Variants in SLC39A11 observed in about 807,000 individuals in gnomAD.
SLC39A11 encodes solute carrier family 39 member 11.
A neutral mutation model predicts 36.1 loss-of-function variants in SLC39A11; 33 were observed. The observed-to-expected ratio is 0.91, with a 90% CI of 0.69 to 1.22. SLC39A11 has a LOEUF of 1.22. SLC39A11 is among the 50% of genes most tolerant of loss of function. The pLI is 0.00. For synonymous variants in SLC39A11, 166 were observed against 170.3 expected, an observed-to-expected ratio of 0.97 and a Z score of 0.20; for missense variants, 432 against 430.3, an observed-to-expected ratio of 1.00 and a Z score of -0.03.
At chr17:72,848,183 A>C (rs2079136710) in intron 6 of SLC39A11, among the ~76,000 whole-genome samples, 1 of 152,378 alleles carries the variant, frequency 6.6e-6, no homozygotes, top group Middle Eastern at 3.4e-3. Flanking sequence ...CCCATTTCTT[A>C]GATGAGAAAA....
intron 3 of SLC39A11, among the ~76,000 whole-genome samples, chr17:73,065,621 A>G (rs979479762): frequency 7.9e-5 from 12 of 152,110 alleles, no homozygotes; most frequent in Admixed American, 4.6e-4. Flanking sequence ...ATGTCACCTC[A>G]CCCAACAGCT....
chr17:72,856,073 T>C lies in SLC39A11; in HGVS notation c.431-6269A>G, dbSNP rs190077665. Among the ~76,000 whole-genome samples the C allele has an allele frequency of 1.2e-3, 183 of 152,284 alleles. 1 individual carries two copies. The South Asian group carries it at 0.02, about 16-fold the overall frequency. ...ATAAATATCACTGTAAAACCTTTAA[T>C]GTATATAAACAATCAGAAATTGGAC... On this transcript the variant is annotated intron_variant, in intron 5 of 9. Coordinates refer to ENST00000255559, the MANE Select transcript of SLC39A11 (RefSeq NM_139177.4).
Position 73,004,236 on chromosome 17 carries a change from G to GA in SLC39A11, c.306+27319dup, listed in dbSNP as rs1471817445. On this transcript the variant is annotated intron_variant, in intron 4 of 9. Coordinates refer to ENST00000255559, the MANE Select transcript of SLC39A11 (RefSeq NM_139177.4). The stretch of plus-strand genomic sequence containing the variant: ...GAAAGAAAGAAAGAAAGAAAGAAAA[G>GA]AAAGAAAGAGAAAAAGCAAGCAAGC... Among the ~76,000 whole-genome samples, 17 of 143,514 alleles carry GA rather than the reference G, an allele frequency of 1.2e-4. 1 individual carries two copies. In the East Asian group the frequency reaches 2.4e-3, roughly 20 times the overall value. 94.2% of individuals were successfully genotyped at this position (143,514 alleles called of 152,430 possible). A position where few individuals can be genotyped will look rare whatever the true frequency, so the allele number is the denominator to read the frequency against.
chr17:72,954,419 G>A (rs1199061480), intron 4 of SLC39A11, among the ~76,000 whole-genome samples: 1 of 152,212 alleles, frequency 6.6e-6, no homozygotes, highest in Non-Finnish European at 1.5e-5. Context: ...AGTGTTACAC[G>A]CCAGTGGAAA....
intron 3 of SLC39A11, among the ~76,000 whole-genome samples, chr17:73,037,909 G>A (rs890567983): frequency 7.9e-5 from 12 of 152,196 alleles, no homozygotes; most frequent in African/African-American, 2.7e-4. Flanking sequence ...GAAGCTCAAG[G>A]ATGAGTATTT....
At chr17:73,022,824 T>C (rs556260231) in intron 4 of SLC39A11, among the ~76,000 whole-genome samples, 3 of 152,092 alleles carry the variant, frequency 2.0e-5, no homozygotes, top group African/African-American at 7.2e-5. Flanking sequence ...ACAGCCTGAA[T>C]GCCAGCTCTC....
chr17:72,985,306 C>G (rs1340787717), intron 4 of SLC39A11, among the ~76,000 whole-genome samples: 1 of 151,828 alleles, frequency 6.6e-6, no homozygotes, highest in Non-Finnish European at 1.5e-5. Flanking sequence ...TTGCCCACAA[C>G]TTTGCTGACG....
At chr17:72,909,710 C>T (rs1287475899) in intron 5 of SLC39A11, among the ~76,000 whole-genome samples, 1 of 151,674 alleles carries the variant, frequency 6.6e-6, no homozygotes, top group Non-Finnish European at 1.5e-5. Context: ...CTTGCAGAGC[C>T]AGTTTGCTCA....
chr17:72,978,722 T>C (rs868634010), intron 4 of SLC39A11, among the ~76,000 whole-genome samples: 11 of 152,178 alleles, frequency 7.2e-5, no homozygotes, highest in African/African-American at 1.2e-4. Flanking sequence ...AGTAATGCCT[T>C]AGGCTGGGGT....
chr17:73,005,750 C>G (rs1385771092), intron 4 of SLC39A11, among the ~76,000 whole-genome samples: 1 of 152,158 alleles, frequency 6.6e-6, no homozygotes, highest in Non-Finnish European at 1.5e-5. Flanking sequence ...AGATCAAGAC[C>G]AGCTTGGCCA....
Position 72,648,802 on chromosome 17 carries a change from C to T in SLC39A11, c.929+1G>A. 2.5e-6 allele frequency: 4 copies of T among 1,614,136 alleles called. No homozygotes were observed. Among genetic ancestry groups the T allele is most frequent in the Non-Finnish European group, 3.4e-6 (4 of 1,180,028 alleles). The stretch of plus-strand genomic sequence containing the variant: ...CAGACAGGGAGGGAAGGTTCTCCAA[C>T]CTGATCTGGGCTTCGGGGATGATGT... On this transcript the variant is annotated splice_donor_variant, in intron 9 of 9. Coordinates refer to ENST00000255559, the MANE Select transcript of SLC39A11 (RefSeq NM_139177.4). LOFTEE classifies it high-confidence loss of function.
At chr17:72,834,609 G>T (rs1380424820) in intron 6 of SLC39A11, among the ~76,000 whole-genome samples, 2 of 145,048 alleles carry the variant, frequency 1.4e-5, no homozygotes, top group African/African-American at 2.8e-5. Flanking sequence ...GCCACAGAGT[G>T]AGACTCCAAC....
chr17:72,820,974 T>C (rs1465611463), intron 6 of SLC39A11, among the ~76,000 whole-genome samples: 1 of 150,924 alleles, frequency 6.6e-6, no homozygotes, highest in Non-Finnish European at 1.5e-5. Flanking sequence ...TTGTTTTTGT[T>C]TTTGTTTTTG....
chr17:73,057,018 G>A (rs148449819), intron 3 of SLC39A11, among the ~76,000 whole-genome samples: 149 of 152,164 alleles, frequency 9.8e-4, no homozygotes, highest in African/African-American at 3.5e-3. Flanking sequence ...GGAGTGCAGC[G>A]GTATGATTTC....
At chr17:72,781,408 T>C (rs1014315820) in intron 6 of SLC39A11, among the ~76,000 whole-genome samples, 3 of 150,460 alleles carry the variant, frequency 2.0e-5, no homozygotes, top group Non-Finnish European at 2.9e-5. Flanking sequence ...ATTTTGTTTC[T>C]TTTGGTTTTT....
At chr17:72,715,011 A>G (rs2073290421) in intron 7 of SLC39A11, among the ~76,000 whole-genome samples, 1 of 152,084 alleles carries the variant, frequency 6.6e-6, no homozygotes, top group Non-Finnish European at 1.5e-5. Flanking sequence ...CACGCTCACA[A>G]TTTTTCCTCT....
At chr17:72,854,324 G>T (rs537669362) in intron 5 of SLC39A11, among the ~76,000 whole-genome samples, 3 of 151,734 alleles carry the variant, frequency 2.0e-5, no homozygotes, top group African/African-American at 7.3e-5. Context: ...GGGGTGGGGT[G>T]GGGGTGGAGA....
chr17:72,958,967 T>C (rs374346360), intron 4 of SLC39A11, among the ~76,000 whole-genome samples: 32 of 150,204 alleles, frequency 2.1e-4, no homozygotes, highest in African/African-American at 7.3e-4. Context: ...CACAATGCAA[T>C]AGCACCTTAA....
At chr17:72,749,770 ATC>A (rs1438856538) in intron 6 of SLC39A11, among the ~76,000 whole-genome samples, 1 of 151,952 alleles carries the variant, frequency 6.6e-6, no homozygotes, top group Non-Finnish European at 1.5e-5. Flanking sequence ...GGTCACAGGG[ATC>A]TCTCTGCTTG....
Sources: allele counts gnomAD v4.1 joint callset (sites outside exome capture counted in the v4.1 genomes callset), GRCh38; gene constraint gnomAD v4.1.1; transcripts MANE v1.5; gene names NCBI Gene and HGNC (gene_info 2026-07-23, HGNC 2026-07-21).